The following GPHN variants were observed in gnomAD, a reference collection of about 807,000 sequenced individuals.
The protein encoded by GPHN is gephyrin.
A neutral mutation model predicts 95.5 loss-of-function variants in GPHN; 17 were observed. The ratio of observed to expected loss-of-function variants is 0.18; its 90% CI spans 0.12 to 0.27. GPHN has a LOEUF of 0.27. Ranked by LOEUF, GPHN falls within the 10% of genes least tolerant of loss-of-function variation. The probability of loss-of-function intolerance (pLI) is 1.00; values close to 1 mark genes in which losing one functional copy is unlikely to be tolerated. For missense variants in GPHN, 660 were observed against 978.1 expected (o/e 0.67, Z 4.34); for synonymous variants, 320 against 322.5 (o/e 0.99, Z 0.08).
At chr14:67,201,237 T>C in the GPHN span, among the ~76,000 whole-genome samples, 3 of 152,176 alleles carry the variant, frequency 2.0e-5, no homozygotes, top group Non-Finnish European at 4.4e-5. Flanking sequence ...CAGGCTGCAG[T>C]GAGCTAGGAT....
intron 9 of GPHN, among the ~76,000 whole-genome samples, chr14:67,003,329 T>C (rs1402081248): frequency 1.3e-5 from 2 of 151,760 alleles, no homozygotes; most frequent in African/African-American, 2.4e-5. Flanking sequence ...TTCATATAAC[T>C]CTTAATTAGC....
chr14:67,356,061 C>T, the GPHN span, among the ~76,000 whole-genome samples: 2 of 151,972 alleles, frequency 1.3e-5, no homozygotes. Flanking sequence ...CACAGTATAA[C>T]CTAGACACAG....
intron 1 of GPHN, among the ~76,000 whole-genome samples, chr14:66,598,274 T>C (rs2062068079): frequency 2.0e-5 from 3 of 152,176 alleles, no homozygotes; most frequent in African/African-American, 7.2e-5. Context: ...AGATTTTAAG[T>C]GTTCGTACCA....
chr14:67,409,575 G>A, the GPHN span, among the ~76,000 whole-genome samples: 7 of 152,014 alleles, frequency 4.6e-5, no homozygotes, highest in East Asian at 1.9e-4. Flanking sequence ...TCCTGCTCAC[G>A]GCTCATCCCC....
chr14:67,668,169 G>C, the GPHN span, among the ~76,000 whole-genome samples: 1 of 152,146 alleles, frequency 6.6e-6, no homozygotes, highest in African/African-American at 2.4e-5. Context: ...CATATGGAGA[G>C]ATGTCTTCAG....
At chr14:66,826,092 A>G (rs2061376472) in intron 4 of GPHN, among the ~76,000 whole-genome samples, 1 of 152,144 alleles carries the variant, frequency 6.6e-6, no homozygotes, top group African/African-American at 2.4e-5. Flanking sequence ...ATATTTTTTC[A>G]TAACAGAAAA....
At chr14:66,816,417 A>T (rs1225234187) in intron 3 of GPHN, among the ~76,000 whole-genome samples, 1 of 152,200 alleles carries the variant, frequency 6.6e-6, no homozygotes, top group Non-Finnish European at 1.5e-5. Flanking sequence ...AACGCTCTTG[A>T]GGAAATACAA....
At chr14:66,548,388 C>T (rs1418921106) in intron 1 of GPHN, among the ~76,000 whole-genome samples, 3 of 151,884 alleles carry the variant, frequency 2.0e-5, no homozygotes, top group Non-Finnish European at 2.9e-5. Context: ...ACCATGTTGG[C>T]CAGGCTGGTT....
the GPHN span, chr14:67,562,901 G>T: frequency 6.2e-7 from 1 of 1,609,888 alleles, no homozygotes. Flanking sequence ...CTGGGTAAGA[G>T]GCAACCTCCG....
the GPHN span, among the ~76,000 whole-genome samples, chr14:67,327,513 AAGTTCTAG>A: frequency 1.3e-5 from 2 of 151,482 alleles, no homozygotes; most frequent in African/African-American, 2.4e-5. Flanking sequence ...ATTATACTTT[AAGTTCTAG>A]GGTACATGTG....
At chr14:67,166,210 A>C (rs971280890) in intron 20 of GPHN, among the ~76,000 whole-genome samples, 1 of 152,232 alleles carries the variant, frequency 6.6e-6, no homozygotes, top group African/African-American at 2.4e-5. Flanking sequence ...TATCATGTAG[A>C]AAATTTTCAG....
chr14:67,669,592 A>C, the GPHN span, among the ~76,000 whole-genome samples: 4 of 152,160 alleles, frequency 2.6e-5, no homozygotes, highest in Admixed American at 2.0e-4. Flanking sequence ...TAATGGCAGA[A>C]GAAGAAACAT....
At chr14:66,542,938 T>C (rs928122006) in intron 1 of GPHN, among the ~76,000 whole-genome samples, 2 of 152,118 alleles carry the variant, frequency 1.3e-5, no homozygotes, top group Admixed American at 6.5e-5. Flanking sequence ...CTGCAGGCCA[T>C]ACAGGAAGCA....
chr14:67,186,530 T>A (rs140471410), downstream of GPHN, among the ~76,000 whole-genome samples: 28 of 152,146 alleles, frequency 1.8e-4, no homozygotes, highest in Non-Finnish European at 3.8e-4. Flanking sequence ...TTGGGAGGGA[T>A]AGGTTAGGGG....
At chr14:66,617,912 T>C (rs1320040994) in intron 1 of GPHN, among the ~76,000 whole-genome samples, 1 of 152,186 alleles carries the variant, frequency 6.6e-6, no homozygotes, top group Non-Finnish European at 1.5e-5. Flanking sequence ...ATTTTGTGCT[T>C]GGGACTTTCA....
intron 1 of GPHN, among the ~76,000 whole-genome samples, chr14:66,677,845 G>C (rs1042160708): frequency 6.6e-6 from 1 of 152,060 alleles, no homozygotes; most frequent in African/African-American, 2.4e-5. Flanking sequence ...ACACATTTTT[G>C]AAGGATAACT....
At chr14:67,261,285 ACTCATAGAAAAGTTAAGATG>A in the GPHN span, among the ~76,000 whole-genome samples, 1 of 152,150 alleles carries the variant, frequency 6.6e-6, no homozygotes, top group East Asian at 1.9e-4. Flanking sequence ...TTGGAGAGAA[ACTCATAGAAAAGTTAAGATG>A]CTCATAGAAA....
chr14:66,827,454 T>G (rs901904633), intron 4 of GPHN, among the ~76,000 whole-genome samples: 2 of 152,166 alleles, frequency 1.3e-5, no homozygotes, highest in African/African-American at 2.4e-5. Context: ...AATAGACTAG[T>G]CATTTAACCA....
chr14:66,709,411 C>G (rs371813174), intron 2 of GPHN: 1 of 455,860 alleles, frequency 2.2e-6, no homozygotes. Flanking sequence ...ACTACTGAAC[C>G]CAAGTACTGC....
Sources: allele counts gnomAD v4.1 joint callset (sites outside exome capture counted in the v4.1 genomes callset), GRCh38; gene constraint gnomAD v4.1.1; transcripts MANE v1.5; gene names NCBI Gene and HGNC (gene_info 2026-07-23, HGNC 2026-07-21).